Variants in PHACTR4 observed in about 807,000 individuals in gnomAD.
PHACTR4 encodes protein phosphatase 1, regulatory subunit 124.
In PHACTR4, 51 loss-of-function variants were observed where a neutral mutation model predicts 72.7. The ratio of observed to expected loss-of-function variants is 0.70; its 90% CI spans 0.56 to 0.89. The LOEUF is 0.89. Among genes scored for constraint, PHACTR4 ranks in the 40% least tolerant of loss-of-function variants. PHACTR4 has a pLI of 0.00. For missense variants in PHACTR4, 731 were observed against 861.8 expected (o/e 0.85, Z 1.90); for synonymous variants, 255 against 302.5 (o/e 0.84, Z 1.63).
At chr1:28,391,599 CTTTTTTTT>C (rs751801605) in intron 1 of PHACTR4, among the ~76,000 whole-genome samples, 4 of 98,816 alleles carry the variant, frequency 4.0e-5, no homozygotes, top group East Asian at 5.8e-4. Context: ...AAAATATATT[CTTTTTTTT>C]TTTTTTTTTT....
chr1:28,495,441 G>T (rs906656841), intron 13 of PHACTR4, among the ~76,000 whole-genome samples: 1 of 151,862 alleles, frequency 6.6e-6, no homozygotes, highest in African/African-American at 2.4e-5. Context: ...GGCAGACAAT[G>T]AACAAGCTAG....
chr1:28,483,694 G>A (rs994559943), intron 9 of PHACTR4, among the ~76,000 whole-genome samples: 4 of 151,194 alleles, frequency 2.6e-5, no homozygotes, highest in African/African-American at 9.7e-5. Context: ...AGCTACTCGG[G>A]AGGCTGAGGC....
At chr1:28,459,401 T>C in intron 3 of PHACTR4, 143 bp downstream of exon 3, 2 of 647,830 alleles carry the variant, frequency 3.1e-6, no homozygotes, top group African/African-American at 2.0e-5. Context: ...TCTTCTTTTT[T>C]TTTTTTTTTT....
intron 1 of PHACTR4, among the ~76,000 whole-genome samples, chr1:28,379,942 ATAT>A (rs1470241917): frequency 2.0e-5 from 3 of 151,722 alleles, no homozygotes; most frequent in Non-Finnish European, 2.9e-5. Context: ...AGTGGAGTAA[ATAT>A]TATATTCTCA....
intron 9 of PHACTR4, among the ~76,000 whole-genome samples, chr1:28,484,693 C>T (rs530233788): frequency 8.0e-5 from 12 of 150,782 alleles, no homozygotes; most frequent in South Asian, 4.2e-4. Context: ...ATGGGTCGGG[C>T]GCAGTGGCTC....
intron 1 of PHACTR4, among the ~76,000 whole-genome samples, chr1:28,377,985 C>A (rs1651817008): frequency 6.7e-6 from 1 of 149,434 alleles, no homozygotes; most frequent in South Asian, 2.1e-4. Flanking sequence ...ATCACGAGGT[C>A]AGGAGATTGA....
chr1:28,432,679 T>G (rs1335749631), intron 2 of PHACTR4, among the ~76,000 whole-genome samples: 2 of 152,088 alleles, frequency 1.3e-5, no homozygotes, highest in African/African-American at 2.4e-5. Flanking sequence ...TTAGAGGGCT[T>G]TAAGTGCTGT....
At chr1:28,493,987 C>T (rs1661186549) in intron 13 of PHACTR4, among the ~76,000 whole-genome samples, 1 of 152,040 alleles carries the variant, frequency 6.6e-6, no homozygotes, top group African/African-American at 2.4e-5. Flanking sequence ...GATTAAGGAC[C>T]CACCCATATC....
intron 2 of PHACTR4, among the ~76,000 whole-genome samples, chr1:28,446,878 G>A (rs1163604000): frequency 6.6e-6 from 1 of 152,084 alleles, no homozygotes; most frequent in Non-Finnish European, 1.5e-5. Flanking sequence ...CACCATGATT[G>A]TAAGTTCCTG....
chr1:28,466,459 A>G lies in PHACTR4; in HGVS notation c.514A>G (p.Lys172Glu). 1 of 1,614,106 alleles carries G rather than the reference A, an allele frequency of 6.2e-7. No individual in the cohort carries two copies. The highest frequency in any genetic ancestry group is 8.5e-7 in the Non-Finnish European group (1 of 1,180,028). The change falls in exon 6 of 14, where the codon AAA (lysine) becomes GAA (glutamate). Residue 172 changes from lysine to glutamate, a missense_variant. This residue lies in a region of PHACTR4 where 621 missense variants were observed against 676.6 expected (regional missense o/e 0.92). Transcript: ENST00000373839. ...NVPKPPLLPP[K>E]RPLSSSHEAS... is the part of the protein sequence containing the mutation. ...ACCCAAACCACCTTTACTTCCTCCC[A>G]AAAGACCCTTGTCCTCTTCTCATGA...
At chr1:28,408,051 C>G (rs1224803574) in intron 2 of PHACTR4, among the ~76,000 whole-genome samples, 1 of 152,196 alleles carries the variant, frequency 6.6e-6, no homozygotes, top group Non-Finnish European at 1.5e-5. Flanking sequence ...ACCCAGGAAG[C>G]AGAGGTTGCA....
intron 2 of PHACTR4, among the ~76,000 whole-genome samples, chr1:28,419,752 T>A (rs1655390905): frequency 6.6e-6 from 1 of 152,246 alleles, no homozygotes; most frequent in Non-Finnish European, 1.5e-5. Context: ...AATGTATTTT[T>A]ATTCTTAAAT....
intron 13 of PHACTR4, among the ~76,000 whole-genome samples, chr1:28,495,555 A>G (rs1661291808): frequency 6.6e-6 from 1 of 152,160 alleles, no homozygotes; most frequent in East Asian, 1.9e-4. Flanking sequence ...GCAAAGTCTC[A>G]AGATACAAAT....
At chr1:28,441,373 C>A (rs1005275509) in intron 2 of PHACTR4, among the ~76,000 whole-genome samples, 1 of 152,030 alleles carries the variant, frequency 6.6e-6, no homozygotes, top group Admixed American at 6.6e-5. Context: ...GCCACCAGTC[C>A]TGCAGTTAAA....
intron 1 of PHACTR4, among the ~76,000 whole-genome samples, chr1:28,386,869 G>A (rs1042831515): frequency 6.6e-6 from 1 of 152,158 alleles, no homozygotes; most frequent in African/African-American, 2.4e-5. Flanking sequence ...TGTTGATGAT[G>A]TGTATATTTC....
intron 2 of PHACTR4, among the ~76,000 whole-genome samples, chr1:28,413,927 G>A (rs1170272915): frequency 6.6e-6 from 1 of 152,132 alleles, no homozygotes; most frequent in East Asian, 1.9e-4. Context: ...TCAGTATCAG[G>A]GTCTAAGGGG....
chr1:28,475,168 C>G (rs72883971), intron 7 of PHACTR4, among the ~76,000 whole-genome samples: 2 of 151,968 alleles, frequency 1.3e-5, no homozygotes, highest in Non-Finnish European at 2.9e-5. Flanking sequence ...CCAGGCTCAC[C>G]CTGAACTCCT....
Position 28,381,622 on chromosome 1 carries a change from A to G in PHACTR4, c.-39+11797A>G, listed in dbSNP as rs374528369. 8.6e-5 allele frequency among the ~76,000 whole-genome samples: 13 copies of G among 151,890 alleles called. No individual in the cohort carries two copies. In the East Asian group the frequency reaches 2.0e-3, roughly 23 times the overall value. Reference sequence around the variant, plus strand: ...CTGGCCTATTTTTTTACTTTTTAATACTAGTCATCCTGACTGGTATAAGAT... The same window carrying G: ...CTGGCCTATTTTTTTACTTTTTAATGCTAGTCATCCTGACTGGTATAAGAT... On this transcript the variant is annotated intron_variant, in intron 1 of 13. Coordinates refer to ENST00000373839, the MANE Select transcript of PHACTR4 (RefSeq NM_001048183.3).
At chr1:28,390,153 A>G (rs185464109) in intron 1 of PHACTR4, among the ~76,000 whole-genome samples, 3 of 152,280 alleles carry the variant, frequency 2.0e-5, no homozygotes, top group African/African-American at 7.2e-5. Context: ...TTTTGTTGTT[A>G]CAGACAGGGT....
Sources: allele counts gnomAD v4.1 joint callset (sites outside exome capture counted in the v4.1 genomes callset), GRCh38; gene constraint gnomAD v4.1.1; regional missense constraint gnomAD v4.1.1; transcripts MANE v1.5; gene names NCBI Gene and HGNC (gene_info 2026-07-23, HGNC 2026-07-21).